The following REXO1 variants were observed in gnomAD, a reference collection of about 807,000 sequenced individuals.
The protein encoded by REXO1 is REX1, RNA exonuclease 1 homolog.
REXO1 carries 42 observed loss-of-function variants against 102.6 expected under a neutral mutation model. The observed-to-expected ratio is 0.41, with a 90% CI of 0.32 to 0.53. The LOEUF is 0.53. REXO1 is among the 20% of genes least tolerant of loss of function. REXO1 has a pLI of 0.27. For missense variants in REXO1, 1,819 were observed against 1,732.5 expected (o/e 1.05, Z -0.89); for synonymous variants, 908 against 779.1 (o/e 1.17, Z -2.76).
Position 1,819,960 on chromosome 19 carries a change from G to A in REXO1, c.2624C>T (p.Ala875Val), listed in dbSNP as rs143172862. 8.2e-6 allele frequency: 13 copies of A among 1,589,050 alleles called. No homozygotes were observed. The African/African-American group carries it at 1.8e-4, about 22-fold the overall frequency. Residue 875 changes from alanine (A) to valine (V), a missense_variant, in exon 7 of 16, where the codon GCC becomes GTC. Physicochemically the swap from Ala to Val is moderately conservative, Grantham distance 64. Coordinates refer to ENST00000170168, the MANE Select transcript of REXO1 (RefSeq NM_020695.4). ...VNTLKKLRGLAPSAVPGLSKT... is the reference protein window; with the variant it reads ...VNTLKKLRGLVPSAVPGLSKT... The stretch of plus-strand genomic sequence containing the variant: ...GCTGAGGCCGGGCACAGCGCTGGGG[G>A]CCAGGCCCCTGAGCTTCTTGAGGGT...
Position 1,828,206 on chromosome 19 carries a change from C to A in REXO1, c.583G>T (p.Gly195Cys). ...LDRGQGRGGG[G>C]GGALEYVPKA... ...GGGACGTATTCCAGGGCACCGCCAC[C>A]CCCTCCACCTCTGCCCTGACCCCTG... Residue 195 changes from glycine (G) to cysteine (C), a missense_variant, in exon 2 of 16, where the codon GGT becomes TGT. Physicochemically the swap from Gly to Cys is radical, Grantham distance 159. Coordinates refer to ENST00000170168, the MANE Select transcript of REXO1 (RefSeq NM_020695.4). The A allele has an allele frequency of 6.2e-7, 1 of 1,605,646 alleles. No homozygotes were observed. Among genetic ancestry groups the A allele is most frequent in the Non-Finnish European group, 8.5e-7 (1 of 1,177,104 alleles).
In REXO1 at chr19:1,826,761, A is replaced by C; in HGVS notation, c.1911+117T>G. On this transcript the variant is annotated intron_variant, in intron 2 of 15. Transcript: ENST00000170168. The surrounding 1 kb of genome is among the most constrained non-coding windows in gnomAD (Gnocchi z 4.3). ...ACGGGCTCAGGGACCAGCACTGAGG[A>C]GCTGCCTCCACCCCGTGCCTCCGAG... 1 of 1,471,386 alleles carries C rather than the reference A, an allele frequency of 6.8e-7. No homozygotes were observed. Among genetic ancestry groups the C allele is most frequent in the Non-Finnish European group, 9.0e-7 (1 of 1,111,424 alleles). 91.1% of individuals were successfully genotyped at this position (1,471,386 alleles called of 1,614,324 possible). A position where few individuals can be genotyped will look rare whatever the true frequency, so the allele number is the denominator to read the frequency against.
Position 1,838,642 on chromosome 19 carries a change from G to A in REXO1, c.157+9560C>T, listed in dbSNP as rs189271573. 3.1e-4 allele frequency among the ~76,000 whole-genome samples: 46 copies of A among 149,446 alleles called. No homozygotes were observed. The East Asian group carries it at 6.5e-3, about 21-fold the overall frequency. ...ATCGTGACATTGCTCTCCAGCCTGG[G>A]TGACAGGGCGAGACTCCTTTTCAAA... is the stretch of plus-strand genomic sequence containing the variant. On this transcript the variant is annotated intron_variant, in intron 1 of 15. Transcript: ENST00000170168.
chr19:1,846,707 T>C (rs1027382474), intron 1 of REXO1, among the ~76,000 whole-genome samples: 33 of 151,968 alleles, frequency 2.2e-4, no homozygotes, highest in African/African-American at 7.3e-4. Flanking sequence ...CTGGACAACA[T>C]AGCGAGACCC....
rs1481541974 is a variant in REXO1, at chr19:1,818,491, G to A, written c.3007C>T (p.Arg1003Trp). The A allele has an allele frequency of 1.9e-6, 3 of 1,602,620 alleles. No homozygotes were observed. Among genetic ancestry groups the A allele is most frequent in the South Asian group, 1.1e-5 (1 of 89,432 alleles). ...ECYYHWGRLR[R>W]NRVAGGWETQ... ...CCGGGTAAGGCCTTACCCCGGTTCC[G>A]GCGCAGCCGTCCCCAGTGGTAATAA... is the stretch of plus-strand genomic sequence containing the variant. The change falls in exon 10 of 16, where the codon CGG (arginine) becomes TGG (tryptophan). Residue 1003 changes from arginine (R) to tryptophan (W), a missense_variant. By Grantham distance (101) the Arg-to-Trp change is moderately radical. Transcript: ENST00000170168.
intron 3 of REXO1, 51 bp downstream of exon 3, chr19:1,825,787 TA>T (rs59277540): frequency 0.16 from 158,841 of 972,316 alleles, 3 homozygotes; most frequent in East Asian, 0.23. Flanking sequence ...ACCTCGTCTT[TA>T]AAAAAAAAAA....
Position 1,823,716 on chromosome 19 carries a change from G to A in REXO1, c.2086C>T (p.Leu696=). ...RPPTAQEVCY[L]RAQQAQRASA... ...GCCCTCTGCGCCTGCTGGGCCCGCA[G>A]GTAGCACACCTCCTGCGCCGTCGGG... The change falls in exon 4 of 16, where the codon CTG becomes TTG. Residue 696 remains leucine (L), a synonymous_variant. Transcript: ENST00000170168. 1.6e-6 allele frequency: 2 copies of A among 1,273,744 alleles called. No homozygotes were observed. The highest frequency in any genetic ancestry group is 2.0e-6 in the Non-Finnish European group (2 of 1,002,506). 78.9% of individuals were successfully genotyped at this position (1,273,744 alleles called of 1,614,324 possible).
rs746802127 is a variant in REXO1 at position 1,827,801 on chromosome 19, C to T, written c.988G>A (p.Glu330Lys). The T allele has an allele frequency of 9.4e-6, 15 of 1,599,102 alleles. No individual in the cohort carries two copies. The highest frequency in any genetic ancestry group is 6.9e-5 in the Admixed American group (4 of 57,676). Residue 330 changes from glutamate (E) to lysine (K), a missense_variant, in exon 2 of 16, where the codon GAG becomes AAG. By Grantham distance (56) the Glu-to-Lys change is moderately conservative. Coordinates refer to ENST00000170168, the MANE Select transcript of REXO1 (RefSeq NM_020695.4). ...TTGGTCTCCCGCAGGCCGCCCCCCT[C>T]GGCCTCCAGGCCCTCTTTGGAGGGT... ...QPPSKEGLEA[E>K]GGGLRETKET...
chr19:1,824,548 T>C (rs566036310), intron 3 of REXO1: 2 of 152,344 alleles, frequency 1.3e-5, no homozygotes, highest in South Asian at 4.1e-4. Context: ...TGTCATAACA[T>C]GTCTGAACCA....
intron 1 of REXO1, among the ~76,000 whole-genome samples, chr19:1,836,020 G>A (rs2070028803): frequency 6.6e-6 from 1 of 152,206 alleles, no homozygotes; most frequent in South Asian, 2.1e-4. Context: ...TTCTTCCCAG[G>A]GTTCTAGGTG....
chr19:1,818,709 C>T lies in REXO1; in HGVS notation c.2899G>A (p.Asp967Asn). ...CCGTCGCAGGCCAGCGACTCACAGT[C>T]CTTGGGCCTCTTCTCCTCAGCTGTG... ...IFTAEEKRPK[D>N]SSCRTCCRCG... is the part of the protein sequence containing the mutation. Residue 967 changes from aspartate to asparagine, a missense_variant, in exon 9 of 16, where the codon GAC becomes AAC. By Grantham distance (23) the Asp-to-Asn change is conservative. Coordinates refer to ENST00000170168, the MANE Select transcript of REXO1 (RefSeq NM_020695.4). 3 of 1,611,024 alleles carry T rather than the reference C, an allele frequency of 1.9e-6. No individual in the cohort carries two copies. The highest frequency in any genetic ancestry group is 2.5e-6 in the Non-Finnish European group (3 of 1,179,884).
intron 1 of REXO1, among the ~76,000 whole-genome samples, chr19:1,837,004 C>A (rs1397295818): frequency 6.6e-6 from 1 of 152,216 alleles, no homozygotes; most frequent in Non-Finnish European, 1.5e-5. Context: ...AAGACTACCC[C>A]CAACCTAGCC....
At chr19:1,835,152 G>A (rs2070004701) in intron 1 of REXO1, among the ~76,000 whole-genome samples, 1 of 152,184 alleles carries the variant, frequency 6.6e-6, no homozygotes, top group Admixed American at 6.5e-5. Context: ...ATGCCTCAGA[G>A]GGTTGGATCT....
At chr19:1,831,845 C>CAAAAAAAAAAAAA (rs745676775) in intron 1 of REXO1, among the ~76,000 whole-genome samples, 1 of 51,294 alleles carries the variant, frequency 1.9e-5, no homozygotes, top group African/African-American at 6.9e-5. Context: ...AACTCCATCT[C>CAAAAAAAAAAAAA]AAAAAAAAAA....
chr19:1,821,208 G>A (rs921960637), intron 5 of REXO1, among the ~76,000 whole-genome samples: 5 of 152,098 alleles, frequency 3.3e-5, no homozygotes, highest in African/African-American at 1.2e-4. Flanking sequence ...AGCCAGGCGT[G>A]GTGGCGGGCG....
chr19:1,817,378 C>T (rs371729745), intron 11 of REXO1, 49 bp from the exon 12 acceptor site: 581 of 1,601,378 alleles, frequency 3.6e-4, no homozygotes, highest in Non-Finnish European at 4.7e-4. Flanking sequence ...GCAGTGGGGG[C>T]GGGGGTGGCA....
chr19:1,838,280 G>A (rs1454621006), intron 1 of REXO1, among the ~76,000 whole-genome samples: 1 of 146,966 alleles, frequency 6.8e-6, no homozygotes, highest in African/African-American at 2.6e-5. Flanking sequence ...TGGCGCCACC[G>A]CACTCCAGCC....
intron 12 of REXO1, 31 bp downstream of exon 12, chr19:1,817,188 G>A: frequency 6.2e-7 from 1 of 1,608,332 alleles, no homozygotes; most frequent in Non-Finnish European, 8.5e-7. Context: ...CCCCAATCCT[G>A]AACCCGACGC....
At chr19:1,818,976 G>C in intron 8 of REXO1, 42 bp downstream of exon 8, 1 of 1,577,886 alleles carries the variant, frequency 6.3e-7, no homozygotes, top group Non-Finnish European at 8.6e-7. Flanking sequence ...GCCGGCAGAG[G>C]CCCACGAAGC....
Sources: gnomAD v4.1 joint callset for allele counts (sites outside exome capture counted in the v4.1 genomes callset) on GRCh38, gnomAD v4.1.1 for gene constraint, Gnocchi (gnomAD v3.1) non-coding constraint, MANE v1.5 for transcripts, NCBI Gene and HGNC (gene_info 2026-07-23, HGNC 2026-07-21) for gene names.